The following MID1 variants were observed in gnomAD, a reference collection of about 807,000 sequenced individuals.
The protein encoded by MID1 is E3 ubiquitin-protein ligase Midline-1.
MID1 carries 7 observed loss-of-function variants against 40.4 expected under a neutral mutation model. The ratio of observed to expected loss-of-function variants is 0.17; its 90% confidence interval spans 0.10 to 0.33. The LOEUF (loss-of-function observed/expected upper bound fraction) is 0.33, where lower values mean the gene tolerates loss of function less well. Among genes scored for constraint, MID1 ranks in the 10% least tolerant of loss-of-function variants. The probability of loss-of-function intolerance (pLI) is 1.00; values close to 1 mark genes in which losing one functional copy is unlikely to be tolerated. For synonymous variants in MID1, 229 were observed against 221.2 expected, an observed-to-expected ratio of 1.04 and a Z score of -0.31; for missense variants, 367 against 558.5, an observed-to-expected ratio of 0.66 and a Z score of 3.46.
intron 1 of MID1, among the ~76,000 whole-genome samples, chrX:10,610,402 G>A (rs1248135628): frequency 1.8e-5 from 2 of 111,828 alleles, no homozygotes; most frequent in Middle Eastern, 4.6e-3. Flanking sequence ...CACACTCCAC[G>A]TGACTAGTAG....
chrX:10,641,994 C>T lies in MID1; in HGVS notation c.-186-21575G>A, dbSNP rs1222667105. On this transcript the variant is annotated intron_variant, in intron 1 of 10. Transcript: ENST00000380785. ...CTTCATGCTAAAAACTCTCAATAAA[C>T]TAGGTATTGATGGAATGTATCTCAA... is the stretch of plus-strand genomic sequence containing the variant. Among the ~76,000 whole-genome samples, 3 of 111,764 alleles carry T rather than the reference C, an allele frequency of 2.7e-5. No homozygotes were observed. In the South Asian group the frequency reaches 1.1e-3, roughly 42 times the overall value.
chrX:10,609,841 T>C lies in MID1; in HGVS notation c.-57+10449A>G, dbSNP rs890060076. Among the ~76,000 whole-genome samples, 164 of 107,749 alleles carry C rather than the reference T, an allele frequency of 1.5e-3. 3 individuals carry two copies. The highest frequency in any genetic ancestry group is 6.7e-4 in the Non-Finnish European group (35 of 52,026). The allele number at this position is 107,749 out of a possible 115,157, so 93.6% of individuals were successfully genotyped here. Reference sequence around the variant, plus strand: ...CACGCCATTCTCCTGCCTCAGCCTCTAGAGTAGCTGGGACTACAGGCGCCC... The same window carrying C: ...CACGCCATTCTCCTGCCTCAGCCTCCAGAGTAGCTGGGACTACAGGCGCCC... On this transcript the variant is annotated intron_variant, in intron 1 of 9. Coordinates refer to ENST00000317552, the MANE Select transcript of MID1 (RefSeq NM_000381.4).
At chrX:10,785,382 T>C (rs2043875260) in intron 1 of MID1, among the ~76,000 whole-genome samples, 1 of 110,856 alleles carries the variant, frequency 9.0e-6, no homozygotes, top group Admixed American at 9.6e-5. Context: ...ATGAAAATGG[T>C]CATACTGCCC....
intron 7 of MID1, among the ~76,000 whole-genome samples, chrX:10,465,254 C>CACACACACAT (rs1929317335): frequency 1.0e-5 from 1 of 96,815 alleles, no homozygotes; most frequent in African/African-American, 4.1e-5. Context: ...CACACACACA[C>CACACACACAT]ACACACATAC....
intron 2 of MID1, 64 bp from the exon 3 acceptor site, chrX:10,523,251 A>G (rs2147370133): frequency 1.3e-6 from 1 of 796,606 alleles, no homozygotes; most frequent in South Asian, 2.3e-5. Flanking sequence ...CTTCAGATAC[A>G]CAAAATTACT....
chrX:10,707,147 T>G (rs966465146), intron 1 of MID1, among the ~76,000 whole-genome samples: 2 of 112,042 alleles, frequency 1.8e-5, no homozygotes, highest in African/African-American at 6.5e-5. Context: ...TTTTATTTCT[T>G]GTTCATGCAA....
chrX:10,750,316 C>T (rs2043588871), intron 1 of MID1, among the ~76,000 whole-genome samples: 1 of 111,366 alleles, frequency 9.0e-6, no homozygotes, highest in African/African-American at 3.3e-5. Context: ...GGAACTGCTG[C>T]TTGTTCTAAG....
intron 4 of MID1, among the ~76,000 whole-genome samples, chrX:10,484,137 C>CA (rs200081029): frequency 0.069 from 7,766 of 111,807 alleles, 564 homozygotes; most frequent in African/African-American, 0.21. Flanking sequence ...GCATCCAGTA[C>CA]GCGCAGGATA....
chrX:10,734,615 C>T (rs1030995192), intron 1 of MID1, among the ~76,000 whole-genome samples: 1 of 109,393 alleles, frequency 9.1e-6, no homozygotes, highest in African/African-American at 3.3e-5. Context: ...AATACTATTG[C>T]GCCATAAAAA....
intron 1 of MID1, among the ~76,000 whole-genome samples, chrX:10,595,633 G>A (rs1324205773): frequency 8.9e-6 from 1 of 112,184 alleles, no homozygotes; most frequent in African/African-American, 3.2e-5. Context: ...GCAGTAGAGA[G>A]TAGAACAGTG....
chrX:10,712,331 A>G (rs1056491857), intron 1 of MID1, among the ~76,000 whole-genome samples: 1 of 111,247 alleles, frequency 9.0e-6, no homozygotes, highest in Non-Finnish European at 1.9e-5. Context: ...GAGTTGGGCA[A>G]GTGGGTTCAA....
At chrX:10,672,169 G>A (rs2042991188) in intron 1 of MID1, among the ~76,000 whole-genome samples, 1 of 109,879 alleles carries the variant, frequency 9.1e-6, no homozygotes. Context: ...AGGCTGCAGT[G>A]AGCCATGTTT....
rs769324197 is a variant in MID1, at chrX:10,449,481, C to A, written c.1891G>T (p.Val631Phe). Residue 631 changes from valine to phenylalanine, a missense_variant, in exon 10 of 10, where the codon GTC (valine) becomes TTC (phenylalanine). By Grantham distance (50) the Val-to-Phe change is conservative. Transcript: ENST00000317552. ...LNSIHLYTFD[V>F]AFAQPVCPTF... ...GGGCAAACAGGCTGCGCAAATGCGA[C>A]GTCGAAGGTGTAGAGGTGGATGGAG... 8.3e-7 allele frequency: 1 copy of A among 1,211,420 alleles called. No individual in the cohort carries two copies. The highest frequency in any genetic ancestry group is 3.0e-5 in the East Asian group (1 of 33,804).
intron 1 of MID1, among the ~76,000 whole-genome samples, chrX:10,656,890 C>T (rs932165471): frequency 9.0e-6 from 1 of 111,177 alleles, no homozygotes; most frequent in Non-Finnish European, 1.9e-5. Context: ...AATTGATTCT[C>T]AATATCAACC....
At position 10,704,743 on chromosome X, in the gene MID1, C is replaced by T. The variant is rs911816328; in HGVS notation, c.-186-84324G>A. On this transcript the variant is annotated intron_variant, in intron 1 of 10. Coordinates refer to the MID1 transcript ENST00000380785. ...ATATATATATATATATATATATACA[C>T]ACACACACACACACACACACACAGA... Among the ~76,000 whole-genome samples, 71 of 84,695 alleles carry T rather than the reference C, an allele frequency of 8.4e-4. 1 individual carries two copies. Among genetic ancestry groups the T allele is most frequent in the East Asian group, 3.2e-3 (9 of 2,825 alleles). 73.5% of individuals were successfully genotyped at this position (84,695 alleles called of 115,157 possible).
chrX:10,773,775 C>T (rs1279735155), intron 1 of MID1, among the ~76,000 whole-genome samples: 1 of 112,095 alleles, frequency 8.9e-6, no homozygotes, highest in Non-Finnish European at 1.9e-5. Context: ...AAAGAAGAGT[C>T]AAGTTGATAT....
At chrX:10,704,058 A>G (rs972485604) in intron 1 of MID1, among the ~76,000 whole-genome samples, 2 of 112,066 alleles carry the variant, frequency 1.8e-5, no homozygotes, top group African/African-American at 6.5e-5. Context: ...GTTATTGCCT[A>G]TTGTACCAAA....
At chrX:10,827,270 A>G (rs2044221925) in intron 1 of MID1, among the ~76,000 whole-genome samples, 1 of 111,096 alleles carries the variant, frequency 9.0e-6, no homozygotes, top group South Asian at 3.8e-4. Context: ...CAGTTGTGAT[A>G]TAATTGTCAA....
At chrX:10,794,699 C>A (rs891637404) in intron 1 of MID1, among the ~76,000 whole-genome samples, 1 of 112,260 alleles carries the variant, frequency 8.9e-6, no homozygotes, top group African/African-American at 3.2e-5. Flanking sequence ...GTTTAATTAA[C>A]CGAAGCACAA....
Sources: gnomAD v4.1 joint callset for allele counts (sites outside exome capture counted in the v4.1 genomes callset) on GRCh38, gnomAD v4.1.1 for gene constraint, MANE v1.5 for transcripts, NCBI Gene and HGNC (gene_info 2026-07-23, HGNC 2026-07-21) for gene names.